Variants in UBE2K observed in about 807,000 individuals in gnomAD.
UBE2K encodes the protein ubiquitin conjugating enzyme E2 K.
Under a neutral mutation model 30.0 loss-of-function variants are expected in UBE2K, and 6 were observed. The observed-to-expected ratio is 0.20, with a 90% CI of 0.11 to 0.39. The LOEUF (loss-of-function observed/expected upper bound fraction) is 0.39, where lower values mean the gene tolerates loss of function less well. Among genes scored for constraint, UBE2K ranks in the 10% least tolerant of loss-of-function variants. The probability of loss-of-function intolerance (pLI) is 1.00; values close to 1 mark genes in which losing one functional copy is unlikely to be tolerated. For synonymous variants in UBE2K, 86 were observed against 83.7 expected (o/e 1.03, Z -0.15); for missense variants, 61 against 241.6 (o/e 0.25, Z 4.96).
Position 39,744,930 on chromosome 4 carries a change from TA to T in UBE2K, c.158-818del, listed in dbSNP as rs1416879834. On this transcript the variant is annotated intron_variant, in intron 2 of 6. Coordinates refer to ENST00000261427, the MANE Select transcript of UBE2K (RefSeq NM_005339.5). ...TCAAAAAAAAAAAAAATAAATTAAA[TA>T]AAATAAATAAATAAATAAATAAATG... 1.6e-4 allele frequency among the ~76,000 whole-genome samples: 24 copies of T among 149,688 alleles called. 1 individual carries two copies. The highest frequency in any genetic ancestry group is 3.2e-4 in the African/African-American group (13 of 40,936).
chr4:39,721,304 G>A (rs1021372181), intron 1 of UBE2K, among the ~76,000 whole-genome samples: 1 of 152,132 alleles, frequency 6.6e-6, no homozygotes. Flanking sequence ...ACCTTTTTAG[G>A]TAGCTTAGGC....
chr4:39,745,824 A>G lies in UBE2K; in HGVS notation c.216+14A>G, dbSNP rs79020635. The G allele has an allele frequency of 3.4e-4, 534 of 1,564,866 alleles. 6 individuals carry two copies. The East Asian group carries it at 7.6e-3, about 22-fold the overall frequency. ...AATCCCCCTAAGGTATTGTAAGCCT[A>G]TTTTTGTGCATGAAGTTACAAAATA... is the stretch of plus-strand genomic sequence containing the variant. On this transcript the variant is annotated intron_variant, in intron 3 of 6. Transcript: ENST00000261427.
At chr4:39,762,647 CTTTG>C (rs368281173) in intron 4 of UBE2K, among the ~76,000 whole-genome samples, 14 of 152,288 alleles carry the variant, frequency 9.2e-5, no homozygotes, top group African/African-American at 1.4e-4. Flanking sequence ...TTTTAAAACA[CTTTG>C]TTTGAGACAG....
intron 4 of UBE2K, among the ~76,000 whole-genome samples, chr4:39,765,910 TAC>T (rs1712294445): frequency 7.3e-6 from 1 of 136,080 alleles, no homozygotes; most frequent in South Asian, 2.4e-4. Context: ...GATATATATA[TAC>T]ATACATACAT....
At chr4:39,745,417 G>C (rs927152943) in intron 2 of UBE2K, among the ~76,000 whole-genome samples, 1 of 151,780 alleles carries the variant, frequency 6.6e-6, no homozygotes, top group African/African-American at 2.4e-5. Flanking sequence ...ATTCTTAACA[G>C]GATGGATTAG....
intron 3 of UBE2K, 128 bp from the exon 4 acceptor site, chr4:39,755,529 C>A (rs1019470203): frequency 3.1e-6 from 2 of 652,794 alleles, no homozygotes; most frequent in Non-Finnish European, 5.2e-6. Flanking sequence ...CTTCTTTCAC[C>A]TAGGCAAAAT....
intron 4 of UBE2K, among the ~76,000 whole-genome samples, chr4:39,774,130 T>C (rs929959967): frequency 1.3e-4 from 20 of 150,080 alleles, no homozygotes; most frequent in Non-Finnish European, 1.9e-4. Flanking sequence ...AACCCCGTCT[T>C]TACGAAAAAA....
rs534213800 is a variant in UBE2K at position 39,780,618 on chromosome 4, T to C, written c.*2184T>C. On this transcript the variant is annotated 3_prime_UTR_variant, in exon 7 of 7. Transcript: ENST00000261427. Reference sequence around the variant, plus strand: ...AGAAATTGGAAAGTACAATATTTGGTTTGAGACATTCTTCATAAAAGATTC... The same window carrying C: ...AGAAATTGGAAAGTACAATATTTGGCTTGAGACATTCTTCATAAAAGATTC... The C allele has an allele frequency of 6.6e-6, 1 of 152,234 alleles. No homozygotes were observed. Among genetic ancestry groups the C allele is most frequent in the African/African-American group, 2.4e-5 (1 of 41,564 alleles). 9.4% of individuals were successfully genotyped at this position (152,234 alleles called of 1,614,324 possible).
intron 5 of UBE2K, among the ~76,000 whole-genome samples, chr4:39,776,395 A>C (rs1443677862): frequency 1.3e-5 from 2 of 152,152 alleles, no homozygotes; most frequent in African/African-American, 2.4e-5. Flanking sequence ...CTACATTGCT[A>C]TCAGGTAGCT....
intron 1 of UBE2K, among the ~76,000 whole-genome samples, chr4:39,724,664 G>C (rs1028628785): frequency 6.6e-5 from 10 of 151,800 alleles, no homozygotes; most frequent in Non-Finnish European, 1.5e-4. Context: ...AGCTACTTGG[G>C]GGGGCTGAGG....
intron 4 of UBE2K, among the ~76,000 whole-genome samples, chr4:39,757,166 C>T (rs1711548110): frequency 6.6e-6 from 1 of 151,994 alleles, no homozygotes; most frequent in Non-Finnish European, 1.5e-5. Flanking sequence ...GCTGGGACTA[C>T]AGGCGTGCGC....
rs1312976806 is a variant in UBE2K at position 39,781,206 on chromosome 4, G to A, written c.*2772G>A. 6.6e-6 allele frequency: 1 copy of A among 152,214 alleles called. No individual in the cohort carries two copies. Among genetic ancestry groups the A allele is most frequent in the Non-Finnish European group, 1.5e-5 (1 of 67,960 alleles). The allele number at this position is 152,214 out of a possible 1,614,324, so 9.4% of individuals were successfully genotyped here. ...ATTAGGTGCTCTGAGTTGGCACCCC[G>A]AAATGTTTGGAATCACGACTATGAT... is the stretch of plus-strand genomic sequence containing the variant. On this transcript the variant is annotated 3_prime_UTR_variant, in exon 7 of 7. Coordinates refer to ENST00000261427, the MANE Select transcript of UBE2K (RefSeq NM_005339.5).
At chr4:39,771,218 G>C (rs1459122104) in intron 4 of UBE2K, 44 of 1,612,456 alleles carry the variant, frequency 2.7e-5, no homozygotes, top group Non-Finnish European at 3.6e-5. Flanking sequence ...CTGTGCATCA[G>C]GGAGACCTGC....
intron 1 of UBE2K, among the ~76,000 whole-genome samples, chr4:39,731,909 A>T (rs981864680): frequency 6.6e-6 from 1 of 152,240 alleles, no homozygotes; most frequent in Non-Finnish European, 1.5e-5. Context: ...TAATTTTTTT[A>T]TATCAATAAG....
intron 3 of UBE2K, among the ~76,000 whole-genome samples, chr4:39,747,149 T>G (rs531964691): frequency 1.3e-5 from 2 of 152,340 alleles, no homozygotes; most frequent in East Asian, 3.9e-4. Flanking sequence ...CTATTGTTTA[T>G]GTACATCTAT....
Position 39,702,371 on chromosome 4 carries a change from C to T in UBE2K, c.63+3981C>T, listed in dbSNP as rs1021184813. Reference sequence around the variant, plus strand: ...CTGGATTCAAGCAATTCTCCTGCCTCGGCCTCCTGAGTAGCTGGGATTATA... The same window carrying T: ...CTGGATTCAAGCAATTCTCCTGCCTTGGCCTCCTGAGTAGCTGGGATTATA... On this transcript the variant is annotated intron_variant, in intron 1 of 6. Transcript: ENST00000261427. Among the ~76,000 whole-genome samples, 17 of 150,122 alleles carry T rather than the reference C, an allele frequency of 1.1e-4. No homozygotes were observed. The South Asian group carries it at 1.5e-3, about 13-fold the overall frequency.
At chr4:39,773,317 A>G in intron 4 of UBE2K, among the ~76,000 whole-genome samples, 1 of 151,394 alleles carries the variant, frequency 6.6e-6, no homozygotes, top group Non-Finnish European at 1.5e-5. Context: ...AACTACAAAA[A>G]ATTAGCCGGG....
intron 5 of UBE2K, among the ~76,000 whole-genome samples, chr4:39,775,139 C>T (rs1713209813): frequency 6.6e-6 from 1 of 152,168 alleles, no homozygotes; most frequent in African/African-American, 2.4e-5. Flanking sequence ...ATGCTGTTTT[C>T]CTAACATGAG....
At chr4:39,703,291 C>A (rs1350369881) in intron 1 of UBE2K, among the ~76,000 whole-genome samples, 1 of 151,822 alleles carries the variant, frequency 6.6e-6, no homozygotes, top group Non-Finnish European at 1.5e-5. Context: ...GGCTGAGACT[C>A]GATTGAGGCC....
Sources: gnomAD v4.1 joint callset for allele counts (sites outside exome capture counted in the v4.1 genomes callset) on GRCh38, gnomAD v4.1.1 for gene constraint, MANE v1.5 for transcripts, NCBI Gene and HGNC (gene_info 2026-07-23, HGNC 2026-07-21) for gene names.